Variants in PIP5K1B observed in about 807,000 individuals in gnomAD.
PIP5K1B encodes the protein phosphatidylinositol-4-phosphate 5-kinase type 1 beta.
A neutral mutation model predicts 67.0 loss-of-function variants in PIP5K1B; 42 were observed. That is an observed-to-expected ratio of 0.63 (90% CI 0.49 to 0.81). PIP5K1B has a LOEUF of 0.81. Among genes scored for constraint, PIP5K1B ranks in the 30% least tolerant of loss-of-function variants. The pLI, the probability that PIP5K1B is intolerant of heterozygous loss-of-function variation, is 0.00. For missense variants in PIP5K1B, 459 were observed against 646.3 expected, an observed-to-expected ratio of 0.71 and a Z score of 3.14; for synonymous variants, 214 against 231.4, an observed-to-expected ratio of 0.92 and a Z score of 0.68.
At chr9:68,750,235 C>T (rs933526007) in intron 2 of PIP5K1B, among the ~76,000 whole-genome samples, 1 of 152,120 alleles carries the variant, frequency 6.6e-6, no homozygotes, top group Non-Finnish European at 1.5e-5. Context: ...TGTAAAGATG[C>T]ACATGTTTTA....
chr9:68,780,232 G>C (rs1341907043), intron 2 of PIP5K1B: 3 of 1,543,018 alleles, frequency 1.9e-6, no homozygotes, highest in African/African-American at 1.4e-5. Flanking sequence ...CCGGCGGAGG[G>C]CGGTGGCAGC....
intron 2 of PIP5K1B, chr9:68,788,783 C>A: frequency 3.9e-6 from 1 of 253,692 alleles, no homozygotes; most frequent in East Asian, 1.1e-4. Context: ...GCTTGGGTCC[C>A]ACCATTATTC....
chr9:68,768,230 GTT>G (rs1466177984), intron 2 of PIP5K1B, among the ~76,000 whole-genome samples: 1 of 152,220 alleles, frequency 6.6e-6, no homozygotes, highest in Non-Finnish European at 1.5e-5. Context: ...TGGATGGCTA[GTT>G]ATAACTATGC....
chr9:68,856,105 G>C (rs1256377799), intron 4 of PIP5K1B, among the ~76,000 whole-genome samples: 1 of 152,054 alleles, frequency 6.6e-6, no homozygotes, highest in Non-Finnish European at 1.5e-5. Flanking sequence ...TAAGAATGCT[G>C]TTCCCTCATT....
In PIP5K1B at chr9:68,788,800, A is replaced by G. The variant is rs75135318; in HGVS notation, c.-85-29661A>G. ...TTGGGTCCCACCATTATTCCAAAGCATACAAGTGAACTACTGTCTCAGAAA... is the reference window on the plus strand; with the variant it reads ...TTGGGTCCCACCATTATTCCAAAGCGTACAAGTGAACTACTGTCTCAGAAA... On this transcript the variant is annotated intron_variant, in intron 2 of 15. Transcript: ENST00000265382. 3,871 of 255,118 alleles carry G rather than the reference A, an allele frequency of 0.015. 246 individuals are homozygous for G. The East Asian group carries it at 0.19, about 13-fold the overall frequency. The allele number at this position is 255,118 out of a possible 1,614,324, so 15.8% of individuals were successfully genotyped here. A position where few individuals can be genotyped will look rare whatever the true frequency, so the allele number is the denominator to read the frequency against.
At chr9:68,894,678 T>C in intron 8 of PIP5K1B, 40 bp downstream of exon 8, 1 of 1,580,844 alleles carries the variant, frequency 6.3e-7, no homozygotes, top group Non-Finnish European at 8.7e-7. Flanking sequence ...TTGAACTCTG[T>C]GCTCATGTAA....
chr9:68,855,771 CA>C (rs1287644065), intron 4 of PIP5K1B, among the ~76,000 whole-genome samples: 1 of 151,888 alleles, frequency 6.6e-6, no homozygotes, highest in Non-Finnish European at 1.5e-5. Flanking sequence ...ATAATCCCTC[CA>C]ATGAAACTGG....
At chr9:68,916,323 G>A (rs930097916) in intron 8 of PIP5K1B, among the ~76,000 whole-genome samples, 5 of 152,116 alleles carry the variant, frequency 3.3e-5, no homozygotes, top group African/African-American at 9.7e-5. Flanking sequence ...CTGCTCTTCC[G>A]TCTGAAAAGG....
chr9:68,978,700 A>C (rs1247859811), intron 14 of PIP5K1B, among the ~76,000 whole-genome samples: 2 of 152,236 alleles, frequency 1.3e-5, no homozygotes, highest in African/African-American at 4.8e-5. Context: ...TATTATGCTG[A>C]CAGTTCATTA....
chr9:68,796,561 A>G (rs1192648187), intron 2 of PIP5K1B, among the ~76,000 whole-genome samples: 1 of 152,222 alleles, frequency 6.6e-6, no homozygotes, highest in African/African-American at 2.4e-5. Context: ...TCATGAATCT[A>G]AGACAGCATT....
intron 7 of PIP5K1B, among the ~76,000 whole-genome samples, chr9:68,890,915 T>C (rs1157664797): frequency 6.6e-6 from 1 of 152,196 alleles, no homozygotes; most frequent in Non-Finnish European, 1.5e-5. Context: ...TAAAACTGCA[T>C]TGGCCATATT....
intron 14 of PIP5K1B, among the ~76,000 whole-genome samples, chr9:68,946,517 C>G (rs962705619): frequency 6.6e-6 from 1 of 152,020 alleles, no homozygotes; most frequent in Non-Finnish European, 1.5e-5. Flanking sequence ...CTCAGCCTCC[C>G]GAGTAGCTGG....
intron 11 of PIP5K1B, among the ~76,000 whole-genome samples, chr9:68,922,035 A>G (rs1419855563): frequency 1.3e-5 from 2 of 152,206 alleles, no homozygotes; most frequent in African/African-American, 4.8e-5. Flanking sequence ...TTTATAGGCA[A>G]CGGCTGAACT....
intron 14 of PIP5K1B, among the ~76,000 whole-genome samples, chr9:68,978,865 C>T (rs1829755917): frequency 1.3e-5 from 2 of 152,182 alleles, no homozygotes; most frequent in Non-Finnish European, 2.9e-5. Context: ...TTAGACGTGA[C>T]CCGAAGGGCT....
intron 15 of PIP5K1B, among the ~76,000 whole-genome samples, chr9:69,006,029 GC>G (rs907668547): frequency 2.0e-5 from 3 of 152,062 alleles, no homozygotes; most frequent in African/African-American, 7.2e-5. Context: ...ACAGGCACAT[GC>G]CACCACACCC....
chr9:68,796,853 A>C (rs1259575209), intron 2 of PIP5K1B, among the ~76,000 whole-genome samples: 1 of 152,196 alleles, frequency 6.6e-6, no homozygotes, highest in Non-Finnish European at 1.5e-5. Flanking sequence ...CATGTTTTCT[A>C]GGTTAGTTAT....
chr9:68,753,042 A>G (rs528306170), intron 2 of PIP5K1B, among the ~76,000 whole-genome samples: 1 of 152,206 alleles, frequency 6.6e-6, no homozygotes, highest in South Asian at 2.1e-4. Flanking sequence ...TGCATCTGAT[A>G]TTTATTTTTG....
intron 2 of PIP5K1B, among the ~76,000 whole-genome samples, chr9:68,808,920 C>T (rs1312674672): frequency 2.0e-5 from 3 of 152,130 alleles, no homozygotes; most frequent in Admixed American, 6.5e-5. Context: ...TTATTTTCAT[C>T]AGTAAGAATA....
intron 8 of PIP5K1B, among the ~76,000 whole-genome samples, chr9:68,903,815 A>G (rs1371120322): frequency 2.0e-5 from 3 of 152,248 alleles, no homozygotes; most frequent in African/African-American, 4.8e-5. Context: ...TCCATCTTGG[A>G]TATAACCTAT....
Sources: allele counts gnomAD v4.1 joint callset (sites outside exome capture counted in the v4.1 genomes callset), GRCh38; gene constraint gnomAD v4.1.1; transcripts MANE v1.5; gene names NCBI Gene and HGNC (gene_info 2026-07-23, HGNC 2026-07-21).